SIPA1L1: variants seen among roughly 807,000 people sequenced by gnomAD.
SIPA1L1 encodes signal-induced proliferation-associated 1-like protein 1.
SIPA1L1 carries 26 observed loss-of-function variants against 162.7 expected under a neutral mutation model. The observed-to-expected ratio is 0.16, with a 90% CI of 0.12 to 0.22. SIPA1L1 has a LOEUF of 0.22. SIPA1L1 is among the 10% of genes least tolerant of loss of function. The probability of loss-of-function intolerance (pLI) is 1.00; values close to 1 mark genes in which losing one functional copy is unlikely to be tolerated. For synonymous variants in SIPA1L1, 829 were observed against 837.4 expected (o/e 0.99, Z 0.17); for missense variants, 1,874 against 2,241.0 (o/e 0.84, Z 3.31).
Position 71,331,019 on chromosome 14 carries a change from G to A in SIPA1L1, c.-465+9838G>A, listed in dbSNP as rs908478179. 2.6e-5 allele frequency among the ~76,000 whole-genome samples: 4 copies of A among 152,106 alleles called. 1 individual carries two copies. The highest frequency in any genetic ancestry group is 5.9e-5 in the Non-Finnish European group (4 of 68,012). On this transcript the variant is annotated intron_variant, in intron 2 of 23. Transcript: ENST00000381232. ...AGCTTTTTCTTTATATTTTCTTCTGGAAGTTTTATAATTTAGGTCTTACAT... is the reference window on the plus strand; with the variant it reads ...AGCTTTTTCTTTATATTTTCTTCTGAAAGTTTTATAATTTAGGTCTTACAT...
chr14:71,704,869 ACACTTGG>A, intron 15 of SIPA1L1: 1 of 857,212 alleles, frequency 1.2e-6, no homozygotes, highest in Non-Finnish European at 1.9e-6. Flanking sequence ...TAGGTTAGCC[ACACTTGG>A]CAATGAATGA....
intron 2 of SIPA1L1, among the ~76,000 whole-genome samples, chr14:71,441,494 A>G (rs1256559827): frequency 6.6e-6 from 1 of 152,190 alleles, no homozygotes; most frequent in Non-Finnish European, 1.5e-5. Flanking sequence ...GCTATTTGGA[A>G]AGGGTTATAC....
Position 71,671,280 on chromosome 14 carries a change from C to T in SIPA1L1, c.2417C>T (p.Thr806Ile). 1 of 1,614,184 alleles carries T rather than the reference C, an allele frequency of 6.2e-7. No individual in the cohort carries two copies. The change falls in exon 11 of 24, where the codon ACT becomes ATT. Residue 806 changes from threonine to isoleucine, a missense_variant. Transcript: ENST00000381232. ...TCGGAGAAGTTTCGGGCCATGGCAA[C>T]TCGGACCCGCCAGGAATACCTGAAA... Reference protein sequence around the residue: ...HKSEKFRAMATRTRQEYLKDL... With the variant: ...HKSEKFRAMAIRTRQEYLKDL...
At chr14:71,536,891 G>A (rs568891643) in intron 4 of SIPA1L1, among the ~76,000 whole-genome samples, 18 of 152,274 alleles carry the variant, frequency 1.2e-4, no homozygotes, top group African/African-American at 3.4e-4. Context: ...GAAGCGATAC[G>A]CAAATTTTAA....
intron 7 of SIPA1L1, among the ~76,000 whole-genome samples, chr14:71,637,980 A>C (rs1466199971): frequency 1.3e-5 from 2 of 152,150 alleles, no homozygotes; most frequent in African/African-American, 4.8e-5. Flanking sequence ...AAATGGGAGA[A>C]CTCCTCAGAA....
chr14:71,733,658 T>TC lies in SIPA1L1; in HGVS notation c.4862-5dup. ...AAGAAGCATCTCATTCCTCCTCCCT[T>TC]CCCGCAGGAGAGTTCTCAGCCTCGG... is the stretch of plus-strand genomic sequence containing the variant. On this transcript the variant is annotated splice_region_variant and splice_polypyrimidine_tract_variant and intron_variant, in intron 20 of 23. Transcript: ENST00000381232. 1.9e-6 allele frequency: 3 copies of TC among 1,612,836 alleles called. No individual in the cohort carries two copies. Among genetic ancestry groups the TC allele is most frequent in the Non-Finnish European group, 2.5e-6 (3 of 1,179,650 alleles).
At chr14:71,484,148 C>T (rs1284072778) in intron 2 of SIPA1L1, among the ~76,000 whole-genome samples, 1 of 152,124 alleles carries the variant, frequency 6.6e-6, no homozygotes. Flanking sequence ...GGTGGAGTTG[C>T]TCTTTGAGGT....
intron 2 of SIPA1L1, among the ~76,000 whole-genome samples, chr14:71,405,317 C>T (rs1566980238): frequency 6.6e-6 from 1 of 152,164 alleles, no homozygotes; most frequent in Non-Finnish European, 1.5e-5. Context: ...TGGAAGGCAT[C>T]AAAGATGGCC....
At chr14:71,558,559 G>A (rs896024037) in intron 4 of SIPA1L1, among the ~76,000 whole-genome samples, 4 of 152,160 alleles carry the variant, frequency 2.6e-5, no homozygotes, top group Non-Finnish European at 5.9e-5. Context: ...CAGAAATGGC[G>A]TGGAAGGCTG....
intron 13 of SIPA1L1, among the ~76,000 whole-genome samples, chr14:71,690,280 C>T (rs1280798031): frequency 6.6e-6 from 1 of 151,920 alleles, no homozygotes; most frequent in African/African-American, 2.4e-5. Flanking sequence ...GTGACAGGGT[C>T]TCACTCTGTC....
chr14:71,583,887 G>C (rs1468666717), intron 4 of SIPA1L1, among the ~76,000 whole-genome samples: 2 of 152,012 alleles, frequency 1.3e-5, no homozygotes, highest in Non-Finnish European at 2.9e-5. Flanking sequence ...CAGAGTACTG[G>C]TTGCCATGCA....
intron 7 of SIPA1L1, among the ~76,000 whole-genome samples, chr14:71,639,327 T>C (rs2041471115): frequency 6.6e-6 from 1 of 152,190 alleles, no homozygotes; most frequent in Admixed American, 6.5e-5. Flanking sequence ...GGAGGATCGC[T>C]TGAGCCCAGG....
chr14:71,617,017 C>T (rs2038916111), intron 5 of SIPA1L1, among the ~76,000 whole-genome samples: 1 of 152,164 alleles, frequency 6.6e-6, no homozygotes. Flanking sequence ...GTGTGACTCA[C>T]ACTCTGATGC....
intron 2 of SIPA1L1, among the ~76,000 whole-genome samples, chr14:71,375,186 G>T (rs1232873986): frequency 6.6e-6 from 1 of 152,060 alleles, no homozygotes; most frequent in Non-Finnish European, 1.5e-5. Flanking sequence ...AGCCTCTGGG[G>T]AGCTGCCATT....
chr14:71,635,171 C>G (rs570388410), intron 7 of SIPA1L1, among the ~76,000 whole-genome samples: 1 of 151,756 alleles, frequency 6.6e-6, no homozygotes, highest in Non-Finnish European at 1.5e-5. Context: ...CCCAGGTACT[C>G]GGGAGGCTGA....
At chr14:71,580,229 G>A (rs1362665915) in intron 4 of SIPA1L1, among the ~76,000 whole-genome samples, 2 of 152,168 alleles carry the variant, frequency 1.3e-5, no homozygotes, top group Non-Finnish European at 2.9e-5. Context: ...TAGCACTTTA[G>A]TAAAGCTCTC....
At chr14:71,420,720 T>G (rs760445333) in intron 2 of SIPA1L1, among the ~76,000 whole-genome samples, 11 of 152,022 alleles carry the variant, frequency 7.2e-5, no homozygotes, top group Non-Finnish European at 1.5e-4. Flanking sequence ...CTGTCTGTCT[T>G]TCTCCTGCTT....
At position 71,465,826 on chromosome 14, in the gene SIPA1L1, G is replaced by A. The variant is rs1386338285; in HGVS notation, c.-464-46917G>A. Reference sequence around the variant, plus strand: ...CTTGAGGAGCAAGGAGAGCCAGTCCGAGTCCCAAAACTGAAGAAGTTGGAG... The same window carrying A: ...CTTGAGGAGCAAGGAGAGCCAGTCCAAGTCCCAAAACTGAAGAAGTTGGAG... On this transcript the variant is annotated intron_variant, in intron 2 of 23. Coordinates refer to ENST00000381232, the MANE Select transcript of SIPA1L1 (RefSeq NM_001386936.1). 3.3e-5 allele frequency among the ~76,000 whole-genome samples: 5 copies of A among 152,166 alleles called. 1 individual carries two copies. In the South Asian group the frequency reaches 8.3e-4, roughly 25 times the overall value.
At chr14:71,387,912 T>C (rs1213292544) in intron 2 of SIPA1L1, among the ~76,000 whole-genome samples, 1 of 152,250 alleles carries the variant, frequency 6.6e-6, no homozygotes, top group African/African-American at 2.4e-5. Context: ...CAATTTGTTA[T>C]GCTAAAGATG....
Sources: allele counts gnomAD v4.1 joint callset (sites outside exome capture counted in the v4.1 genomes callset), GRCh38; gene constraint gnomAD v4.1.1; transcripts MANE v1.5; gene names NCBI Gene and HGNC (gene_info 2026-07-23, HGNC 2026-07-21).